NLGN4Y: variants seen among roughly 807,000 people sequenced by gnomAD.
The protein encoded by NLGN4Y is neuroligin 4 Y-linked, also known as neuroligin-4, Y-linked.
A neutral mutation model predicts 8.4 loss-of-function variants in NLGN4Y; 4 were observed. The ratio of observed to expected loss-of-function variants is 0.48; its 90% CI spans 0.23 to 1.09. The LOEUF is 1.09. Ranked by LOEUF, NLGN4Y falls within the 50% of genes least tolerant of loss-of-function variation. NLGN4Y has a pLI of 0.19. For missense variants in NLGN4Y, 90 were observed against 192.3 expected (o/e 0.47, Z 3.15); for synonymous variants, 35 against 75.6 (o/e 0.46, Z 2.78).
chrY:14,558,076 C>T, intron 1 of NLGN4Y, among the ~76,000 whole-genome samples: 1 of 33,187 alleles, frequency 3.0e-5, no homozygotes, highest in Admixed American at 2.8e-4. Context: ...TTGTAGGATG[C>T]TCTTCCCCAT....
intron 2 of NLGN4Y, among the ~76,000 whole-genome samples, chrY:14,662,785 C>G (rs942389123): frequency 2.4e-4 from 8 of 33,059 alleles, no homozygotes; most frequent in Non-Finnish European, 4.5e-4. Context: ...CTGAGATATT[C>G]TGGTGCAGAC....
chrY:14,639,761 C>T, intron 2 of NLGN4Y: 2 of 147,380 alleles, frequency 1.4e-5, no homozygotes, highest in Admixed American at 1.8e-4. Context: ...TCAAAGTTAG[C>T]AAGTACTGGT....
chrY:14,703,925 A>G (rs370323465), intron 2 of NLGN4Y, among the ~76,000 whole-genome samples: 1 of 33,088 alleles, frequency 3.0e-5, no homozygotes, highest in African/African-American at 1.2e-4. Flanking sequence ...CTTTGAAGCA[A>G]TTGTGAATGG....
At chrY:14,704,086 A>G (rs2080866434) in intron 2 of NLGN4Y, among the ~76,000 whole-genome samples, 1 of 33,618 alleles carries the variant, frequency 3.0e-5, no homozygotes, top group Non-Finnish European at 7.4e-5. Flanking sequence ...TTCTAAAGAT[A>G]CAATCATGTC....
chrY:14,527,211 C>A (rs748414239), intron 1 of NLGN4Y, among the ~76,000 whole-genome samples: 11 of 34,082 alleles, frequency 3.2e-4, no homozygotes, highest in African/African-American at 1.0e-3. Flanking sequence ...ACACTTCAAA[C>A]CTTTCCTAAA....
intron 1 of NLGN4Y, among the ~76,000 whole-genome samples, chrY:14,547,489 C>T (rs112930806): frequency 0.059 from 1,986 of 33,712 alleles, no homozygotes; most frequent in South Asian, 0.3. Flanking sequence ...CACAGAAGCT[C>T]TTCCAAAGGA....
chrY:14,680,338 G>A (rs1011594508), intron 2 of NLGN4Y, among the ~76,000 whole-genome samples: 10 of 33,248 alleles, frequency 3.0e-4, no homozygotes, highest in Non-Finnish European at 6.7e-4. Flanking sequence ...TTCACAGAAA[G>A]GATGGAGTCC....
intron 2 of NLGN4Y, among the ~76,000 whole-genome samples, chrY:14,647,837 C>T: frequency 2.9e-5 from 1 of 34,378 alleles, no homozygotes; most frequent in Admixed American, 2.6e-4. Context: ...AGAATAATGC[C>T]CAATTGATGA....
intron 2 of NLGN4Y, among the ~76,000 whole-genome samples, chrY:14,634,046 A>T: frequency 3.0e-5 from 1 of 33,637 alleles, no homozygotes; most frequent in Non-Finnish European, 7.3e-5. Context: ...AGAGGTTGTG[A>T]GCTCCAGATT....
intron 2 of NLGN4Y, among the ~76,000 whole-genome samples, chrY:14,669,467 T>C (rs2080703369): frequency 3.0e-5 from 1 of 33,839 alleles, no homozygotes; most frequent in Non-Finnish European, 7.3e-5. Context: ...TAATAATGTT[T>C]AAAAGTCAAT....
intron 1 of NLGN4Y, among the ~76,000 whole-genome samples, chrY:14,613,510 A>G: frequency 3.0e-5 from 1 of 33,376 alleles, no homozygotes; most frequent in African/African-American, 1.2e-4. Flanking sequence ...ACATGGGTAT[A>G]TATGTGCCAC....
chrY:14,563,109 C>CCTT (rs2080240099), intron 1 of NLGN4Y, among the ~76,000 whole-genome samples: 3 of 33,957 alleles, frequency 8.8e-5, no homozygotes, highest in Non-Finnish European at 2.2e-4. Flanking sequence ...GAGAGGGCAT[C>CCTT]CTTCTCTTGT....
intron 1 of NLGN4Y, among the ~76,000 whole-genome samples, chrY:14,611,567 A>G (rs2150503232): frequency 7.3e-5 from 2 of 27,290 alleles, no homozygotes; most frequent in South Asian, 1.6e-3. Context: ...TTATTTATTT[A>G]TTTATTTATT....
intron 4 of NLGN4Y, among the ~76,000 whole-genome samples, chrY:14,810,529 T>TA (rs2043074164): frequency 2.7e-4 from 7 of 26,128 alleles, no homozygotes; most frequent in Admixed American, 1.1e-3. Flanking sequence ...AGAGTCTATC[T>TA]AAAAAAAAAA....
chrY:14,566,375 G>C (rs2080251539), intron 1 of NLGN4Y, among the ~76,000 whole-genome samples: 1 of 32,989 alleles, frequency 3.0e-5, no homozygotes, highest in African/African-American at 1.2e-4. Context: ...TGCTATCCTA[G>C]TCTCTGATAA....
Position 14,830,061 on chromosome Y carries a change from C to T in NLGN4Y, c.1203C>T (p.Asp401=). The change falls in exon 6 of 7, where the codon GAC becomes GAT. Residue 401 remains aspartate, a synonymous_variant. Transcript: ENST00000684976. ...VNQGEGLKFV[D]GIVDNEDGVT... ...AAGGGGAAGGCCTGAAGTTCGTGGA[C>T]GGCATCGTGGATAACGAGGACGGTG... The T allele has an allele frequency of 5.0e-6, 2 of 396,147 alleles. No homozygotes were observed. The highest frequency in any genetic ancestry group is 7.1e-6 in the Non-Finnish European group (2 of 281,896).
In NLGN4Y at chrY:14,756,882, TATATATATATA is replaced by T. The variant is rs2081061856; in HGVS notation, c.685+33614_685+33624del. 0.022 allele frequency among the ~76,000 whole-genome samples: 302 copies of T among 13,809 alleles called. No homozygotes were observed. In the East Asian group the frequency reaches 0.39, roughly 18 times the overall value. 37.0% of individuals were successfully genotyped at this position (13,809 alleles called of 37,273 possible). ...TATTTTATACATATATATATATATATATATATATATATATATATATATATATATTTGGTAAA... is the reference window on the plus strand; with the variant it reads ...TATTTTATACATATATATATATATATTATATATATATATATATTTGGTAAA... On this transcript the variant is annotated intron_variant, in intron 4 of 6. Transcript: ENST00000684976.
At chrY:14,595,710 G>T in intron 1 of NLGN4Y, among the ~76,000 whole-genome samples, 1 of 33,122 alleles carries the variant, frequency 3.0e-5, no homozygotes, top group African/African-American at 1.2e-4. Context: ...AAAATTACCC[G>T]CAGTTTTGGT....
intron 1 of NLGN4Y, among the ~76,000 whole-genome samples, chrY:14,536,046 G>T: frequency 3.1e-5 from 1 of 32,560 alleles, no homozygotes; most frequent in Admixed American, 2.9e-4. Context: ...ACAATCAAAT[G>T]TATGTGGGCA....
Sources: allele counts gnomAD v4.1 joint callset (sites outside exome capture counted in the v4.1 genomes callset), GRCh38; gene constraint gnomAD v4.1.1; transcripts MANE v1.5; gene names NCBI Gene and HGNC (gene_info 2026-07-23, HGNC 2026-07-21).